Variants in SPDYA observed in about 807,000 individuals in gnomAD.
The protein encoded by SPDYA is speedy protein A.
Under a neutral mutation model 36.7 loss-of-function variants are expected in SPDYA, and 11 were observed. The ratio of observed to expected loss-of-function variants is 0.30; its 90% CI spans 0.19 to 0.50. SPDYA has a LOEUF of 0.50. SPDYA is among the 20% of genes least tolerant of loss of function. The probability of loss-of-function intolerance (pLI) is 0.98; values close to 1 mark genes in which losing one functional copy is unlikely to be tolerated. For synonymous variants in SPDYA, 115 were observed against 118.7 expected, an observed-to-expected ratio of 0.97 and a Z score of 0.20; for missense variants, 287 against 370.9, an observed-to-expected ratio of 0.77 and a Z score of 1.86.
At chr2:28,818,440 TAAA>T (rs372056967) in intron 3 of SPDYA, among the ~76,000 whole-genome samples, 4 of 109,998 alleles carry the variant, frequency 3.6e-5, no homozygotes, top group Admixed American at 1.0e-4. Flanking sequence ...CCTGTCTCTT[TAAA>T]AAAAAAAAAA....
intron 4 of SPDYA, among the ~76,000 whole-genome samples, chr2:28,819,615 G>A (rs924462290): frequency 1.3e-5 from 2 of 151,522 alleles, no homozygotes; most frequent in African/African-American, 2.4e-5. Context: ...ATATAGCATA[G>A]ATTCAGTCTA....
rs112157575 is a variant in SPDYA at position 28,811,388 on chromosome 2, G to A, written c.-93+441G>A. Among the ~76,000 whole-genome samples, 6,361 of 152,194 alleles carry A rather than the reference G, an allele frequency of 0.042. 458 individuals carry two copies. Among genetic ancestry groups the A allele is most frequent in the African/African-American group, 0.14 (5,899 of 41,510 alleles). On this transcript the variant is annotated intron_variant, in intron 1 of 7. Coordinates refer to ENST00000334056, the MANE Select transcript of SPDYA (RefSeq NM_182756.4). The surrounding 1 kb of genome is among the most constrained non-coding windows in gnomAD (Gnocchi z 4.2). ...GAATGGAGATTTGGGGGGTCTTTTT[G>A]ATAAATCCTACCTCCTTATGTCCCA...
At chr2:28,833,343 C>A (rs1403043125) in intron 6 of SPDYA, among the ~76,000 whole-genome samples, 4 of 152,074 alleles carry the variant, frequency 2.6e-5, no homozygotes, top group African/African-American at 9.7e-5. Flanking sequence ...CAAGCTACAC[C>A]GGCCTCCTTA....
intron 5 of SPDYA, among the ~76,000 whole-genome samples, chr2:28,823,380 T>A (rs1391149936): frequency 6.6e-6 from 1 of 152,010 alleles, no homozygotes; most frequent in Non-Finnish European, 1.5e-5. Flanking sequence ...CCCAACACTT[T>A]GGGAGGCCGA....
At chr2:28,813,795 G>A (rs987095976) in intron 1 of SPDYA, among the ~76,000 whole-genome samples, 1 of 151,940 alleles carries the variant, frequency 6.6e-6, no homozygotes, top group East Asian at 1.9e-4. Context: ...CAGGTGATCC[G>A]CCCACCTCAG....
At chr2:28,838,178 ATTTTTTTTT>A (rs61135451) in intron 6 of SPDYA, among the ~76,000 whole-genome samples, 6 of 115,586 alleles carry the variant, frequency 5.2e-5, no homozygotes, top group African/African-American at 1.3e-4. Context: ...GAAGTAACGG[ATTTTTTTTT>A]TTTTTTTTTT....
chr2:28,850,453 A>G lies in SPDYA; in HGVS notation c.*512A>G, dbSNP rs1558336550. ...CTATAAGCTACATAAAATATTTTCT[A>G]TTTTTTTCACAAAACTGTTAAAATA... On this transcript the variant is annotated 3_prime_UTR_variant, in exon 8 of 8. Transcript: ENST00000334056. The G allele has an allele frequency of 4.7e-6, 6 of 1,284,646 alleles. No individual in the cohort carries two copies. The South Asian group carries it at 6.8e-5, about 15-fold the overall frequency. The allele number at this position is 1,284,646 out of a possible 1,614,324, so 79.6% of individuals were successfully genotyped here.
At chr2:28,832,772 A>G (rs1216606767) in intron 6 of SPDYA, among the ~76,000 whole-genome samples, 1 of 151,510 alleles carries the variant, frequency 6.6e-6, no homozygotes, top group African/African-American at 2.4e-5. Context: ...CACCACTAAT[A>G]CTATACTTTT....
At chr2:28,818,439 T>G (rs1232882203) in intron 3 of SPDYA, among the ~76,000 whole-genome samples, 1 of 135,642 alleles carries the variant, frequency 7.4e-6, no homozygotes, top group Non-Finnish European at 1.5e-5. Context: ...CCCTGTCTCT[T>G]TAAAAAAAAA....
In SPDYA at chr2:28,832,842, C is replaced by A. The variant is rs540960284; in HGVS notation, c.552+3523C>A. ...TTCCAAATAGTCTCTCCCACCCCCA[C>A]CTTTTTTTTTTTTTTAAAGACAGGG... is the stretch of plus-strand genomic sequence containing the variant. On this transcript the variant is annotated intron_variant, in intron 6 of 7. Coordinates refer to ENST00000334056, the MANE Select transcript of SPDYA (RefSeq NM_182756.4). Among the ~76,000 whole-genome samples, 30 of 128,182 alleles carry A rather than the reference C, an allele frequency of 2.3e-4. No individual in the cohort carries two copies. In the South Asian group the frequency reaches 6.8e-3, roughly 29 times the overall value. The allele number at this position is 128,182 out of a possible 152,430, so 84.1% of individuals were successfully genotyped here.
chr2:28,821,262 T>G (rs1296984969), intron 4 of SPDYA, among the ~76,000 whole-genome samples: 1 of 142,766 alleles, frequency 7.0e-6, no homozygotes, highest in African/African-American at 2.6e-5. Context: ...TGCAGTGGCG[T>G]GATCTCAGCT....
intron 4 of SPDYA, among the ~76,000 whole-genome samples, chr2:28,819,610 G>T (rs1055881492): frequency 2.6e-5 from 4 of 151,488 alleles, no homozygotes; most frequent in African/African-American, 4.9e-5. Flanking sequence ...TTAGCATATA[G>T]CATAGATTCA....
At chr2:28,841,892 T>G (rs1489874864) in intron 7 of SPDYA, 1 of 152,174 alleles carries the variant, frequency 6.6e-6, no homozygotes, top group Non-Finnish European at 1.5e-5. Context: ...TTAGCATCCC[T>G]CCTTTCCCAG....
chr2:28,816,190 C>A lies in SPDYA; in HGVS notation c.176C>A (p.Pro59His). ...CATAATAACAACAAATCTAAACGCCCCAAAGGACCTTGTCTGGTTATACAG... is the reference window on the plus strand; with the variant it reads ...CATAATAACAACAAATCTAAACGCCACAAAGGACCTTGTCTGGTTATACAG... Reference protein sequence around the residue: ...NTHNNNKSKRPKGPCLVIQRQ... With the variant: ...NTHNNNKSKRHKGPCLVIQRQ... The change falls in exon 3 of 8, where the codon CCC becomes CAC. Residue 59 changes from proline (P) to histidine (H), a missense_variant. Coordinates refer to ENST00000334056, the MANE Select transcript of SPDYA (RefSeq NM_182756.4). 1.2e-6 allele frequency: 2 copies of A among 1,613,852 alleles called. No individual in the cohort carries two copies. The highest frequency in any genetic ancestry group is 2.2e-5 in the South Asian group (2 of 91,030).
At chr2:28,817,422 G>A (rs1220851666) in intron 3 of SPDYA, among the ~76,000 whole-genome samples, 4 of 152,144 alleles carry the variant, frequency 2.6e-5, no homozygotes, top group Admixed American at 2.6e-4. Flanking sequence ...TTAGCCGGGT[G>A]TGGTGGCACA....
intron 6 of SPDYA, 63 bp from the exon 7 acceptor site, chr2:28,840,109 G>T: frequency 7.0e-7 from 1 of 1,436,736 alleles, no homozygotes; most frequent in South Asian, 1.3e-5. Context: ...TATAAGTTTT[G>T]AACTCAATTT....
At chr2:28,837,404 G>A (rs980636972) in intron 6 of SPDYA, among the ~76,000 whole-genome samples, 2 of 152,178 alleles carry the variant, frequency 1.3e-5, no homozygotes, top group African/African-American at 4.8e-5. Context: ...TCTTTGGGAA[G>A]ATAAGGAATT....
chr2:28,823,358 C>T (rs949415198), intron 5 of SPDYA, among the ~76,000 whole-genome samples: 6 of 152,116 alleles, frequency 3.9e-5, no homozygotes, highest in East Asian at 1.9e-4. Context: ...CACGGTGGCT[C>T]ACGCCTGTAA....
intron 7 of SPDYA, among the ~76,000 whole-genome samples, chr2:28,847,138 T>C (rs772062497): frequency 7.9e-5 from 12 of 151,334 alleles, no homozygotes; most frequent in African/African-American, 1.5e-4. Flanking sequence ...AGGTCAGGAG[T>C]TTGAGATCAG....
Sources: gnomAD v4.1 joint callset for allele counts (sites outside exome capture counted in the v4.1 genomes callset) on GRCh38, gnomAD v4.1.1 for gene constraint, Gnocchi (gnomAD v3.1) non-coding constraint, MANE v1.5 for transcripts, NCBI Gene and HGNC (gene_info 2026-07-23, HGNC 2026-07-21) for gene names.